PPFIA1: variants seen among roughly 807,000 people sequenced by gnomAD.
PPFIA1 encodes liprin-alpha-1.
PPFIA1 carries 25 observed loss-of-function variants against 149.9 expected under a neutral mutation model. The observed-to-expected ratio is 0.17, with a 90% CI of 0.12 to 0.23. The LOEUF (loss-of-function observed/expected upper bound fraction) is 0.23. PPFIA1 is among the 10% of genes least tolerant of loss of function. The pLI is 1.00. For synonymous variants in PPFIA1, 549 were observed against 552.8 expected, an observed-to-expected ratio of 0.99 and a Z score of 0.10; for missense variants, 1,362 against 1,506.5, an observed-to-expected ratio of 0.90 and a Z score of 1.59.
At chr11:70,335,947 G>A (rs908319961) in intron 11 of PPFIA1, among the ~76,000 whole-genome samples, 1 of 152,170 alleles carries the variant, frequency 6.6e-6, no homozygotes, top group African/African-American at 2.4e-5. Context: ...GTAGGTAAGT[G>A]GTTTTTATAA....
At chr11:70,306,505 A>G (rs34442623) in intron 2 of PPFIA1, among the ~76,000 whole-genome samples, 2,453 of 152,296 alleles carry the variant, frequency 0.016, 25 homozygotes, top group Non-Finnish European at 0.023. Context: ...AATCAATACA[A>G]TGCCTCAATT....
intron 2 of PPFIA1, among the ~76,000 whole-genome samples, chr11:70,275,419 A>G (rs1356751111): frequency 6.6e-6 from 1 of 152,150 alleles, no homozygotes; most frequent in Admixed American, 6.5e-5. Context: ...TGATACATAG[A>G]AGTGTAAAAT....
chr11:70,358,128 C>T (rs1374458307), intron 19 of PPFIA1: 1 of 152,208 alleles, frequency 6.6e-6, no homozygotes, highest in African/African-American at 2.4e-5. Context: ...GGGAAAATTT[C>T]CAAGTACAAA....
Position 70,272,252 on chromosome 11 carries a change from C to T in PPFIA1, c.80C>T (p.Pro27Leu). 6.2e-7 allele frequency: 1 copy of T among 1,614,174 alleles called. No individual in the cohort carries two copies. Among genetic ancestry groups the T allele is most frequent in the Non-Finnish European group, 8.5e-7 (1 of 1,180,030 alleles). Reference sequence around the variant, plus strand: ...GGTGGAGGCCATGGTTCCGGCTCCCCTTCACAGCCAGATGCAGATTCACAT... The same window carrying T: ...GGTGGAGGCCATGGTTCCGGCTCCCTTTCACAGCCAGATGCAGATTCACAT... ...GGGGGHGSGS[P>L]SQPDADSHFE... The change falls in exon 2 of 28, where the codon CCT (proline) becomes CTT (leucine). Residue 27 changes from proline to leucine, a missense_variant. By Grantham distance (98) the Pro-to-Leu change is moderately conservative. Around this residue, in one of 7 missense-constraint regions of PPFIA1, gnomAD observed 100 missense variants for 106.2 expected, o/e 0.94. Transcript: ENST00000253925.
In PPFIA1 at chr11:70,383,403, G is replaced by A. The variant is rs1261194435; in HGVS notation, c.*413G>A. 5.6e-6 allele frequency: 1 copy of A among 179,442 alleles called. No homozygotes were observed. Among genetic ancestry groups the A allele is most frequent in the Non-Finnish European group, 1.2e-5 (1 of 86,642 alleles). The allele number at this position is 179,442 out of a possible 1,614,324, so 11.1% of individuals were successfully genotyped here. On this transcript the variant is annotated 3_prime_UTR_variant, in exon 28 of 28. Transcript: ENST00000253925. ...TTGTAATTATCATTAATTTTTTAAT[G>A]ATAAACCATGACAAAGGATTTTACG...
At chr11:70,340,376 C>T (rs567940479) in intron 14 of PPFIA1, among the ~76,000 whole-genome samples, 9 of 152,308 alleles carry the variant, frequency 5.9e-5, no homozygotes, top group South Asian at 2.1e-4. Flanking sequence ...GGGAGGTCAA[C>T]GCTATGGTGA....
In PPFIA1 at chr11:70,362,273, G is replaced by A. The variant is rs753461224; in HGVS notation, c.2665-15G>A. On this transcript the variant is annotated splice_polypyrimidine_tract_variant and intron_variant, in intron 20 of 27. Coordinates refer to ENST00000253925, the MANE Select transcript of PPFIA1 (RefSeq NM_003626.5). ...TACCTCACTGTGCTGCCTTCCTTCC[G>A]CTTTCCGCCTCCAGCTCTGGGTTGG... 18 of 1,613,888 alleles carry A rather than the reference G, an allele frequency of 1.1e-5. No individual in the cohort carries two copies. The highest frequency in any genetic ancestry group is 8.9e-5 in the East Asian group (4 of 44,882).
chr11:70,374,817 AT>A (rs779148422), intron 23 of PPFIA1, 100 bp from the exon 24 acceptor site: 226 of 1,122,952 alleles, frequency 2.0e-4, no homozygotes, highest in South Asian at 3.2e-4. Context: ...GAGCCGAAGG[AT>A]TAGGAACCAT....
At chr11:70,380,184 G>A (rs2057651657) in intron 26 of PPFIA1, among the ~76,000 whole-genome samples, 1 of 151,928 alleles carries the variant, frequency 6.6e-6, no homozygotes, top group Admixed American at 6.6e-5. Flanking sequence ...GAGGTGGGTG[G>A]ATCAGCTGAG....
rs374781916 is a variant in PPFIA1, at chr11:70,355,635, G to A, written c.2316-4G>A. ...TAGTAAAGATCCGTTTTCTTTCCTC[G>A]AAGCTCCACAGGCTCCCAGGATGGT... is the stretch of plus-strand genomic sequence containing the variant. On this transcript the variant is annotated splice_region_variant and splice_polypyrimidine_tract_variant and intron_variant, in intron 17 of 27. Coordinates refer to ENST00000253925, the MANE Select transcript of PPFIA1 (RefSeq NM_003626.5). 1.3e-5 allele frequency: 21 copies of A among 1,591,278 alleles called. No individual in the cohort carries two copies. Among genetic ancestry groups the A allele is most frequent in the Middle Eastern group, 1.7e-4 (1 of 5,918 alleles).
intron 2 of PPFIA1, among the ~76,000 whole-genome samples, chr11:70,310,824 TG>T (rs2053216965): frequency 1.3e-5 from 2 of 152,320 alleles, no homozygotes; most frequent in South Asian, 4.1e-4. Context: ...GAACGAGTTC[TG>T]GAAGACAGGA....
At chr11:70,324,192 A>C (rs1036001519) in intron 2 of PPFIA1, among the ~76,000 whole-genome samples, 3 of 152,184 alleles carry the variant, frequency 2.0e-5, no homozygotes, top group African/African-American at 7.2e-5. Context: ...GGGTGCAGGG[A>C]TAGAGGGAAG....
chr11:70,292,819 A>G lies in PPFIA1; in HGVS notation c.264+20383A>G, dbSNP rs573096874. Among the ~76,000 whole-genome samples, 26 of 152,326 alleles carry G rather than the reference A, an allele frequency of 1.7e-4. No individual in the cohort carries two copies. The Middle Eastern group carries it at 0.01, about 60-fold the overall frequency. On this transcript the variant is annotated intron_variant, in intron 2 of 27. Transcript: ENST00000253925. ...TTGAATCCAAGCAGTCTGACTCCAG[A>G]GTTCTTCAACTGCATGAAAAAGTGG...
chr11:70,356,260 C>G lies in PPFIA1; in HGVS notation c.2582+6C>G. 1 of 1,609,044 alleles carries G rather than the reference C, an allele frequency of 6.2e-7. No homozygotes were observed. The highest frequency in any genetic ancestry group is 8.5e-7 in the Non-Finnish European group (1 of 1,175,982). On this transcript the variant is annotated splice_donor_region_variant and intron_variant, in intron 19 of 27. Coordinates refer to ENST00000253925, the MANE Select transcript of PPFIA1 (RefSeq NM_003626.5). ...AATCGTAAACTTCAAAAAAAGTAAG[C>G]TTTGTGTTATTTCTTCATCTCATTG...
At chr11:70,337,532 C>T in intron 12 of PPFIA1, 105 bp downstream of exon 12, 1 of 745,524 alleles carries the variant, frequency 1.3e-6, no homozygotes, top group Non-Finnish European at 2.1e-6. Context: ...TGGTTTGTGG[C>T]TCTCATAGTC....
intron 2 of PPFIA1, among the ~76,000 whole-genome samples, chr11:70,281,215 G>A (rs1187584262): frequency 6.6e-6 from 1 of 151,944 alleles, no homozygotes; most frequent in Non-Finnish European, 1.5e-5. Context: ...TGTAGAAAGC[G>A]CTGGGTGATG....
At chr11:70,377,887 T>C in intron 25 of PPFIA1, 143 bp from the exon 26 acceptor site, 1 of 695,208 alleles carries the variant, frequency 1.4e-6, no homozygotes, top group South Asian at 2.0e-5. Flanking sequence ...GGCAATATAT[T>C]GTGTGGTCAT....
chr11:70,296,679 A>AGGGAGAGGGAGACCGTG (rs2052051686), intron 2 of PPFIA1, among the ~76,000 whole-genome samples: 2 of 138,128 alleles, frequency 1.4e-5, no homozygotes, highest in Admixed American at 7.4e-5. Context: ...GTGGAAAGAG[A>AGGGAGAGGGAGACCGTG]GGGAGAGGGA....
chr11:70,340,604 C>T (rs2055270310), intron 14 of PPFIA1, among the ~76,000 whole-genome samples: 1 of 152,112 alleles, frequency 6.6e-6, no homozygotes, highest in African/African-American at 2.4e-5. Context: ...TAGTTTGGGC[C>T]AGGCCGCATT....
Sources: gnomAD v4.1 joint callset for allele counts (sites outside exome capture counted in the v4.1 genomes callset) on GRCh38, gnomAD v4.1.1 for gene constraint, gnomAD v4.1.1 regional missense constraint, MANE v1.5 for transcripts, NCBI Gene and HGNC (gene_info 2026-07-23, HGNC 2026-07-21) for gene names.